Variants in ERO1A observed in about 807,000 individuals in gnomAD.
ERO1A encodes the protein ERO1-like protein alpha.
Under a neutral mutation model 76.9 loss-of-function variants are expected in ERO1A, and 49 were observed. The observed-to-expected ratio is 0.64, with a 90% CI of 0.51 to 0.81. The LOEUF is 0.81. Among genes scored for constraint, ERO1A ranks in the 30% least tolerant of loss-of-function variants. The pLI is 0.00. For synonymous variants in ERO1A, 174 were observed against 181.2 expected, an observed-to-expected ratio of 0.96 and a Z score of 0.32; for missense variants, 448 against 542.1, an observed-to-expected ratio of 0.83 and a Z score of 1.72.
intron 6 of ERO1A, among the ~76,000 whole-genome samples, chr14:52,666,807 TG>T (rs1360389481): frequency 6.6e-6 from 1 of 152,146 alleles, no homozygotes; most frequent in Non-Finnish European, 1.5e-5. Flanking sequence ...GGTGCACGCC[TG>T]TAGTCCCAGC....
chr14:52,645,288 C>A (rs1218084577), intron 15 of ERO1A, among the ~76,000 whole-genome samples: 1 of 147,932 alleles, frequency 6.8e-6, no homozygotes, highest in African/African-American at 2.5e-5. Context: ...TGATTTTATA[C>A]ATACATATAC....
chr14:52,680,082 C>CAAAAAAAAAAAAAAAAAAAAAAAA (rs35358193), intron 3 of ERO1A, among the ~76,000 whole-genome samples: 12 of 90,908 alleles, frequency 1.3e-4, no homozygotes, highest in East Asian at 7.0e-4. Context: ...AAAACACAAA[C>CAAAAAAAAAAAAAAAAAAAAAAAA]AAAAAAAAAA....
intron 6 of ERO1A, among the ~76,000 whole-genome samples, chr14:52,667,189 AAT>A (rs1325624006): frequency 6.6e-6 from 1 of 152,192 alleles, no homozygotes; most frequent in African/African-American, 2.4e-5. Flanking sequence ...CGTGTTACCA[AAT>A]ACTTTCTTCT....
chr14:52,654,167 A>C (rs762906926), intron 11 of ERO1A, among the ~76,000 whole-genome samples: 1 of 152,074 alleles, frequency 6.6e-6, no homozygotes, highest in Non-Finnish European at 1.5e-5. Flanking sequence ...TCTCCCCATG[A>C]ACATTTTCTG....
At chr14:52,658,787 A>C (rs1380744644) in intron 9 of ERO1A, among the ~76,000 whole-genome samples, 1 of 152,196 alleles carries the variant, frequency 6.6e-6, no homozygotes, top group African/African-American at 2.4e-5. Flanking sequence ...AATAACATAC[A>C]ACTATGAAAA....
intron 1 of ERO1A, among the ~76,000 whole-genome samples, chr14:52,693,463 C>G (rs1386955099): frequency 6.6e-6 from 1 of 152,142 alleles, no homozygotes; most frequent in Non-Finnish European, 1.5e-5. Context: ...ATTGCGGGAC[C>G]TTGTGATCAT....
At position 52,640,987 on chromosome 14, in the gene ERO1A, G is replaced by T. The variant is rs1479102453; in HGVS notation, c.*2583C>A. ...GCGTGAGAAGTGGTGTTGTGATTAA[G>T]AGAGAAAAAAAAAATGGAGGTCTGA... On this transcript the variant is annotated 3_prime_UTR_variant, in exon 16 of 16. Coordinates refer to ENST00000395686, the MANE Select transcript of ERO1A (RefSeq NM_014584.3). 1 of 150,926 alleles carries T rather than the reference G, an allele frequency of 6.6e-6. No individual in the cohort carries two copies. The highest frequency in any genetic ancestry group is 1.5e-5 in the Non-Finnish European group (1 of 67,784). The allele number at this position is 150,926 out of a possible 1,614,324, so 9.3% of individuals were successfully genotyped here. A position where few individuals can be genotyped will look rare whatever the true frequency, so the allele number is the denominator to read the frequency against.
intron 1 of ERO1A, among the ~76,000 whole-genome samples, chr14:52,686,418 C>T (rs1482171990): frequency 6.6e-6 from 1 of 152,176 alleles, no homozygotes; most frequent in African/African-American, 2.4e-5. Context: ...CAAAGGTAAA[C>T]ACCTTTTGTG....
intron 1 of ERO1A, among the ~76,000 whole-genome samples, chr14:52,693,738 TCCTCCCA>T (rs1328198208): frequency 6.6e-6 from 1 of 151,934 alleles, no homozygotes; most frequent in Non-Finnish European, 1.5e-5. Context: ...ACTCAAGAGA[TCCTCCCA>T]CCTCAGCCTC....
rs560236982 is a variant in ERO1A at position 52,646,290 on chromosome 14, G to A, written c.1213-3C>T. On this transcript the variant is annotated splice_polypyrimidine_tract_variant and splice_region_variant and intron_variant, in intron 14 of 15. Coordinates refer to ENST00000395686, the MANE Select transcript of ERO1A (RefSeq NM_014584.3). ...AGAGCAGTGCCCAAACCCTGAGTCT[G>A]TAATAGAAATAAGGAAAAAAGAAAA... The A allele has an allele frequency of 1.2e-6, 2 of 1,601,764 alleles. No homozygotes were observed. Among genetic ancestry groups the A allele is most frequent in the South Asian group, 2.3e-5 (2 of 88,004 alleles).
In ERO1A at chr14:52,679,563, C is replaced by T. The variant is rs572093428; in HGVS notation, c.319-1091G>A. ...GAGTGGCACCCTGCTATGTCCAGCT[C>T]ATTTTTGTATTTTTAGTAGAGACAG... is the stretch of plus-strand genomic sequence containing the variant. On this transcript the variant is annotated intron_variant, in intron 3 of 15. Transcript: ENST00000395686. 2.0e-5 allele frequency among the ~76,000 whole-genome samples: 3 copies of T among 152,020 alleles called. No individual in the cohort carries two copies. The South Asian group carries it at 6.2e-4, about 32-fold the overall frequency.
chr14:52,650,448 C>A (rs1320363897), intron 13 of ERO1A, among the ~76,000 whole-genome samples: 1 of 148,740 alleles, frequency 6.7e-6, no homozygotes, highest in Non-Finnish European at 1.5e-5. Context: ...TTTTCTATGA[C>A]CAGATGACAT....
intron 1 of ERO1A, among the ~76,000 whole-genome samples, chr14:52,689,475 T>C (rs1439689523): frequency 1.3e-5 from 2 of 152,074 alleles, no homozygotes; most frequent in Non-Finnish European, 2.9e-5. Context: ...AAATCAATTG[T>C]GCTTCTATAC....
chr14:52,689,433 G>A (rs976683880), intron 1 of ERO1A, among the ~76,000 whole-genome samples: 1 of 151,870 alleles, frequency 6.6e-6, no homozygotes, highest in Non-Finnish European at 1.5e-5. Flanking sequence ...AATAAATTCA[G>A]CAAAATTACA....
intron 1 of ERO1A, among the ~76,000 whole-genome samples, chr14:52,694,867 C>T (rs2041494378): frequency 1.3e-5 from 2 of 152,136 alleles, no homozygotes; most frequent in Non-Finnish European, 1.5e-5. Flanking sequence ...GGTAGTTGGG[C>T]TTACACACAG....
At position 52,642,477 on chromosome 14, in the gene ERO1A, T is replaced by A. The variant is rs1298293444; in HGVS notation, c.*1093A>T. ...TTTAGATTGGAACTTGAAAGTATTATTTATTCTAAGGCTTACAGTATTATA... is the reference window on the plus strand; with the variant it reads ...TTTAGATTGGAACTTGAAAGTATTAATTATTCTAAGGCTTACAGTATTATA... On this transcript the variant is annotated 3_prime_UTR_variant, in exon 16 of 16. Coordinates refer to ENST00000395686, the MANE Select transcript of ERO1A (RefSeq NM_014584.3). 1 of 152,214 alleles carries A rather than the reference T, an allele frequency of 6.6e-6. No homozygotes were observed. The highest frequency in any genetic ancestry group is 1.5e-5 in the Non-Finnish European group (1 of 68,040). The allele number at this position is 152,214 out of a possible 1,614,324, so 9.4% of individuals were successfully genotyped here.
rs1302040563 is a variant in ERO1A, at chr14:52,653,075, T to C, written c.1049A>G (p.Glu350Gly). Reference sequence around the variant, plus strand: ...AGTTTAATATATAATTTACTTGATTTCATGAAGTATTTCCAGAAGTAACAT... The same window carrying C: ...AGTTTAATATATAATTTACTTGATTCCATGAAGTATTTCCAGAAGTAACAT... ...NKMLLLEILH[E>G]IKSFPLHFDE... is the part of the protein sequence containing the mutation. Residue 350 changes from glutamate to glycine, a missense_variant, in exon 12 of 16, where the codon GAA becomes GGA. Physicochemically the swap from Glu to Gly is moderately conservative, Grantham distance 98 (BLOSUM62 -2). Coordinates refer to ENST00000395686, the MANE Select transcript of ERO1A (RefSeq NM_014584.3). The C allele has an allele frequency of 3.3e-6, 5 of 1,498,448 alleles. No individual in the cohort carries two copies. The highest frequency in any genetic ancestry group is 1.1e-5 in the South Asian group (1 of 88,270). 92.8% of individuals were successfully genotyped at this position (1,498,448 alleles called of 1,614,324 possible).
intron 13 of ERO1A, among the ~76,000 whole-genome samples, chr14:52,647,708 T>C (rs2139629683): frequency 6.6e-6 from 1 of 152,326 alleles, no homozygotes; most frequent in Non-Finnish European, 1.5e-5. Context: ...ACATCCTTCT[T>C]TTCCTTCAAT....
chr14:52,683,423 T>G (rs1318883321), intron 2 of ERO1A, among the ~76,000 whole-genome samples: 1 of 152,222 alleles, frequency 6.6e-6, no homozygotes, highest in Non-Finnish European at 1.5e-5. Flanking sequence ...GTGATTTGTT[T>G]AAATAATATA....
Sources: allele counts gnomAD v4.1 joint callset (sites outside exome capture counted in the v4.1 genomes callset), GRCh38; gene constraint gnomAD v4.1.1; transcripts MANE v1.5; gene names NCBI Gene and HGNC (gene_info 2026-07-23, HGNC 2026-07-21).